Variants in SEMA3E observed in about 807,000 individuals in gnomAD.
The protein encoded by SEMA3E is semaphorin-3E.
A neutral mutation model predicts 93.6 loss-of-function variants in SEMA3E; 49 were observed. The ratio of observed to expected loss-of-function variants is 0.52; its 90% CI spans 0.42 to 0.66. The LOEUF (loss-of-function observed/expected upper bound fraction) is 0.66, where lower values mean the gene tolerates loss of function less well. Ranked by LOEUF, SEMA3E falls within the 30% of genes least tolerant of loss-of-function variation. SEMA3E has a pLI of 0.00. For missense variants in SEMA3E, 906 were observed against 964.8 expected (o/e 0.94, Z 0.81); for synonymous variants, 363 against 330.7 (o/e 1.10, Z -1.06).
At chr7:83,481,794 A>C (rs189198269) in intron 2 of SEMA3E, among the ~76,000 whole-genome samples, 1 of 152,360 alleles carries the variant, frequency 6.6e-6, no homozygotes, top group South Asian at 2.1e-4. Context: ...TAAGTTTATT[A>C]AATTACAGAT....
chr7:83,558,615 A>G (rs1290838364), intron 1 of SEMA3E, among the ~76,000 whole-genome samples: 2 of 152,140 alleles, frequency 1.3e-5, no homozygotes, highest in Non-Finnish European at 2.9e-5. Flanking sequence ...ATGCATTTTT[A>G]AAATTATGGT....
chr7:83,528,598 A>T (rs531542759), intron 1 of SEMA3E, among the ~76,000 whole-genome samples: 12 of 152,272 alleles, frequency 7.9e-5, no homozygotes, highest in African/African-American at 2.9e-4. Context: ...TATACAGGCA[A>T]GAAAAGACTG....
intron 1 of SEMA3E, among the ~76,000 whole-genome samples, chr7:83,609,889 T>G (rs907400395): frequency 1.3e-5 from 2 of 151,946 alleles, no homozygotes; most frequent in Non-Finnish European, 2.9e-5. Flanking sequence ...ATTTATAAAA[T>G]TAAATATTGT....
At chr7:83,558,678 TAAG>T (rs1791968473) in intron 1 of SEMA3E, among the ~76,000 whole-genome samples, 3 of 152,020 alleles carry the variant, frequency 2.0e-5, no homozygotes, top group Admixed American at 2.0e-4. Context: ...AAAATATGGC[TAAG>T]AAGCAATGCT....
intron 4 of SEMA3E, among the ~76,000 whole-genome samples, chr7:83,445,554 C>A (rs1041756846): frequency 1.3e-5 from 2 of 151,932 alleles, no homozygotes; most frequent in Non-Finnish European, 2.9e-5. Flanking sequence ...CCCGTCCCTA[C>A]TAATAATACA....
intron 1 of SEMA3E, among the ~76,000 whole-genome samples, chr7:83,618,395 T>C (rs926018581): frequency 6.6e-6 from 1 of 152,032 alleles, no homozygotes; most frequent in African/African-American, 2.4e-5. Flanking sequence ...GACAAGTAAG[T>C]TTTTTTATTT....
At chr7:83,548,515 T>C (rs976379871) in intron 1 of SEMA3E, among the ~76,000 whole-genome samples, 1 of 152,112 alleles carries the variant, frequency 6.6e-6, no homozygotes, top group Non-Finnish European at 1.5e-5. Flanking sequence ...TTGAGATTTT[T>C]TTCCCTCTCT....
chr7:83,372,348 T>A (rs1794760905), intron 16 of SEMA3E: 1 of 397,862 alleles, frequency 2.5e-6, no homozygotes, highest in East Asian at 3.6e-5. Flanking sequence ...GTCTCTGTTA[T>A]ATCTCCTGTG....
chr7:83,594,720 T>C (rs879430815), intron 1 of SEMA3E, among the ~76,000 whole-genome samples: 5 of 152,108 alleles, frequency 3.3e-5, no homozygotes, highest in Non-Finnish European at 7.4e-5. Context: ...TCTAAGAACC[T>C]GATTTTAGTC....
intron 1 of SEMA3E, among the ~76,000 whole-genome samples, chr7:83,643,196 C>T (rs978049281): frequency 2.0e-5 from 3 of 152,018 alleles, no homozygotes; most frequent in African/African-American, 7.2e-5. Flanking sequence ...GAGGCCCTCT[C>T]TGTGTAATAC....
chr7:83,385,731 T>C (rs986523557), intron 15 of SEMA3E, among the ~76,000 whole-genome samples: 2 of 152,016 alleles, frequency 1.3e-5, no homozygotes, highest in African/African-American at 4.8e-5. Flanking sequence ...GGAAAGTCTA[T>C]TGCAACCTCT....
intron 1 of SEMA3E, among the ~76,000 whole-genome samples, chr7:83,615,529 G>T (rs1793346472): frequency 6.6e-6 from 1 of 151,926 alleles, no homozygotes; most frequent in Non-Finnish European, 1.5e-5. Flanking sequence ...AGCTGGCTGG[G>T]GAAGAAAGAT....
Position 83,365,810 on chromosome 7 carries a change from T to C in SEMA3E, c.*1776A>G, listed in dbSNP as rs1794658503. ...CTTAATTGACTTATTTGTTCAGACA[T>C]AAACTTTGTAAGGCCCCTGTGATCT... On this transcript the variant is annotated 3_prime_UTR_variant, in exon 17 of 17. Coordinates refer to ENST00000643230, the MANE Select transcript of SEMA3E (RefSeq NM_012431.3). 3 of 149,138 alleles carry C rather than the reference T, an allele frequency of 2.0e-5. No individual in the cohort carries two copies. Among genetic ancestry groups the C allele is most frequent in the East Asian group, 1.9e-4 (1 of 5,194 alleles). 9.2% of individuals were successfully genotyped at this position (149,138 alleles called of 1,614,324 possible).
At position 83,408,419 on chromosome 7, in the gene SEMA3E, C is replaced by T. The variant is rs1332890198; in HGVS notation, c.619G>A (p.Gly207Arg). Reference protein sequence around the residue: ...SRDAAIFRSMGRLAHIRTEHD... With the variant: ...SRDAAIFRSMRRLAHIRTEHD... ...TCAGTGCGGATATGGGCCAGTCGCC[C>T]CATGCTGCGGAAGATCGCAGCGTCT... The change falls in exon 6 of 17, where the codon GGG becomes AGG. Residue 207 changes from glycine (G) to arginine (R), a missense_variant. Coordinates refer to ENST00000643230, the MANE Select transcript of SEMA3E (RefSeq NM_012431.3). 1.2e-6 allele frequency: 2 copies of T among 1,613,796 alleles called. No homozygotes were observed. The highest frequency in any genetic ancestry group is 1.7e-6 in the Non-Finnish European group (2 of 1,179,854).
intron 4 of SEMA3E, among the ~76,000 whole-genome samples, chr7:83,425,618 T>C (rs1055419260): frequency 1.3e-5 from 2 of 152,222 alleles, no homozygotes; most frequent in Admixed American, 1.3e-4. Context: ...GGATTTTATA[T>C]GTACTTAGGT....
chr7:83,585,629 A>G (rs1316737393), intron 1 of SEMA3E, among the ~76,000 whole-genome samples: 2 of 152,208 alleles, frequency 1.3e-5, no homozygotes, highest in East Asian at 3.9e-4. Flanking sequence ...AACAATTTAT[A>G]TACATTTCTC....
At chr7:83,530,585 T>C (rs1203803249) in intron 1 of SEMA3E, among the ~76,000 whole-genome samples, 1 of 152,152 alleles carries the variant, frequency 6.6e-6, no homozygotes, top group African/African-American at 2.4e-5. Flanking sequence ...TTTAAAAATA[T>C]TCAAGGTTTG....
At chr7:83,478,519 G>A (rs1393148756) in intron 2 of SEMA3E, among the ~76,000 whole-genome samples, 1 of 152,146 alleles carries the variant, frequency 6.6e-6, no homozygotes, top group Admixed American at 6.5e-5. Context: ...TGTACAGATT[G>A]CAAGGGGCTA....
chr7:83,491,527 T>A (rs1294754469), intron 1 of SEMA3E, among the ~76,000 whole-genome samples: 1 of 152,004 alleles, frequency 6.6e-6, no homozygotes, highest in Non-Finnish European at 1.5e-5. Context: ...AAGGTAAAAC[T>A]TTCTCTTATT....
Sources: gnomAD v4.1 joint callset for allele counts (sites outside exome capture counted in the v4.1 genomes callset) on GRCh38, gnomAD v4.1.1 for gene constraint, MANE v1.5 for transcripts, NCBI Gene and HGNC (gene_info 2026-07-23, HGNC 2026-07-21) for gene names.